The following CDHR3 variants were observed in gnomAD, a reference collection of about 807,000 sequenced individuals.
The protein encoded by CDHR3 is cadherin-related family member 3.
In CDHR3, 79 loss-of-function variants were observed where a neutral mutation model predicts 86.6. The observed-to-expected ratio is 0.91, with a 90% CI of 0.76 to 1.10. The LOEUF (loss-of-function observed/expected upper bound fraction) is 1.10, where lower values mean the gene tolerates loss of function less well. CDHR3 is among the 50% of genes least tolerant of loss of function. CDHR3 has a pLI of 0.00. For missense variants in CDHR3, 1,081 were observed against 1,077.6 expected (o/e 1.00, Z -0.04); for synonymous variants, 421 against 402.4 (o/e 1.05, Z -0.55).
chr7:105,991,050 A>G lies in CDHR3; in HGVS notation c.514-3701A>G, dbSNP rs565401414. Reference sequence around the variant, plus strand: ...AATATTCCCAGCAGGAAAACCAGAGAGCTTGTCTGACAAGCATTTGTTAAC... The same window carrying G: ...AATATTCCCAGCAGGAAAACCAGAGGGCTTGTCTGACAAGCATTTGTTAAC... On this transcript the variant is annotated intron_variant, in intron 4 of 18. Coordinates refer to ENST00000317716, the MANE Select transcript of CDHR3 (RefSeq NM_152750.5). Among the ~76,000 whole-genome samples the G allele has an allele frequency of 2.0e-5, 3 of 152,306 alleles. No homozygotes were observed. The South Asian group carries it at 6.2e-4, about 32-fold the overall frequency.
chr7:106,029,598 C>G (rs1269638468), intron 17 of CDHR3, among the ~76,000 whole-genome samples: 3 of 151,252 alleles, frequency 2.0e-5, no homozygotes, highest in Non-Finnish European at 4.4e-5. Context: ...ACCTTATCTA[C>G]CCCCTGGGAA....
intron 2 of CDHR3, among the ~76,000 whole-genome samples, chr7:105,980,607 ATTTTTTTTTTTTTTAATTT>A (rs1182505413): frequency 6.1e-5 from 6 of 98,522 alleles, no homozygotes; most frequent in Non-Finnish European, 8.1e-5. Context: ...TTTTTTTTTA[ATTTTTTTTTTTTTTAATTT>A]TTTTTTTTTT....
chr7:105,997,339 AAT>A (rs1389455516), intron 6 of CDHR3, among the ~76,000 whole-genome samples: 5 of 152,112 alleles, frequency 3.3e-5, no homozygotes, highest in Non-Finnish European at 4.4e-5. Context: ...GGTGTCAAAG[AAT>A]GCGTCTGCTC....
At chr7:106,011,013 A>G (rs1834718019) in intron 8 of CDHR3, among the ~76,000 whole-genome samples, 1 of 152,180 alleles carries the variant, frequency 6.6e-6, no homozygotes, top group South Asian at 2.1e-4. Context: ...CACCACAAAC[A>G]CAGTGATGGA....
intron 8 of CDHR3, among the ~76,000 whole-genome samples, chr7:106,009,907 G>C (rs1377118323): frequency 6.6e-6 from 1 of 152,246 alleles, no homozygotes; most frequent in Non-Finnish European, 1.5e-5. Context: ...TGCATGGGGA[G>C]AGAAACATGG....
intron 12 of CDHR3, 98 bp downstream of exon 12, chr7:106,018,170 C>T (rs1835952870): frequency 2.3e-6 from 2 of 853,206 alleles, no homozygotes; most frequent in East Asian, 2.6e-5. Flanking sequence ...GAGGAAACTT[C>T]CCAGGGTACA....
intron 1 of CDHR3, among the ~76,000 whole-genome samples, chr7:105,969,045 G>A (rs1344205355): frequency 6.6e-6 from 1 of 151,186 alleles, no homozygotes; most frequent in African/African-American, 2.4e-5. Flanking sequence ...CAGAGATCGC[G>A]CCACTGCACT....
At chr7:106,007,294 T>C (rs979297787) in intron 8 of CDHR3, among the ~76,000 whole-genome samples, 2 of 152,210 alleles carry the variant, frequency 1.3e-5, no homozygotes, top group South Asian at 2.1e-4. Context: ...ATTGTCTTGG[T>C]GATTAACATT....
In CDHR3 at chr7:106,032,683, C is replaced by T. The variant is rs1326346871; in HGVS notation, c.2644C>T (p.His882Tyr). 6 of 1,611,216 alleles carry T rather than the reference C, an allele frequency of 3.7e-6. No homozygotes were observed. In the African/African-American group the frequency reaches 8.0e-5, roughly 22 times the overall value. Residue 882 changes from histidine (H) to tyrosine (Y), a missense_variant, in exon 19 of 19, where the codon CAC becomes TAC. Physicochemically the swap from His to Tyr is moderately conservative, Grantham distance 83. Transcript: ENST00000317716. ...CATGAACAGGGCTTACCCCAAACCA[C>T]ACCCAGGAAAGTAAACGGGGTCTAA... The part of the protein sequence containing the change: ...AFMNRAYPKP[H>Y]PGK
At chr7:106,007,743 G>T (rs1834155729) in intron 8 of CDHR3, among the ~76,000 whole-genome samples, 1 of 152,118 alleles carries the variant, frequency 6.6e-6, no homozygotes, top group South Asian at 2.1e-4. Context: ...ACATTTTCCT[G>T]TCTTCTTTTA....
chr7:106,004,509 A>C lies in CDHR3; in HGVS notation c.874A>C (p.Ile292Leu). ...YFMINQLTGT[I>L]QVAQRIDRDA... ...CTTTGCTTTCTCAGTGACTGGTACA[A>C]TCCAAGTGGCCCAAAGGATAGACCG... Residue 292 changes from isoleucine to leucine, a missense_variant, in exon 8 of 19, where the codon ATC (isoleucine) becomes CTC (leucine). By Grantham distance (5) the Ile-to-Leu change is conservative. Transcript: ENST00000317716. 6.8e-6 allele frequency: 11 copies of C among 1,613,966 alleles called. No homozygotes were observed. The highest frequency in any genetic ancestry group is 9.3e-6 in the Non-Finnish European group (11 of 1,179,844).
chr7:106,018,186 C>A, intron 12 of CDHR3, 114 bp downstream of exon 12: 3 of 751,530 alleles, frequency 4.0e-6, no homozygotes, highest in Admixed American at 2.7e-5. Context: ...GTACATCCTG[C>A]GGATGTGGTG....
Position 105,990,412 on chromosome 7 carries a change from G to A in CDHR3, c.514-4339G>A, listed in dbSNP as rs146630065. Among the ~76,000 whole-genome samples, 410 of 152,176 alleles carry A rather than the reference G, an allele frequency of 2.7e-3. 4 individuals are homozygous for A. The highest frequency in any genetic ancestry group is 9.3e-3 in the African/African-American group (388 of 41,518). On this transcript the variant is annotated intron_variant, in intron 4 of 18. Transcript: ENST00000317716. ...GCACTCTTCCTCCTTCCTCCTCCAC[G>A]TCCCACCTCTGAGCTGAGACGAGGG...
Position 106,015,479 on chromosome 7 carries a change from A to G in CDHR3, c.1327+266A>G, listed in dbSNP as rs111645909. On this transcript the variant is annotated intron_variant, in intron 10 of 18. Transcript: ENST00000317716. ...GTTCCAACTCTTTGACTTGGCATAC[A>G]AGATTTTTCACCATTCGGTTGCTGC... Among the ~76,000 whole-genome samples the G allele has an allele frequency of 4.8e-3, 724 of 152,070 alleles. 6 individuals carry two copies. The highest frequency in any genetic ancestry group is 4.0e-3 in the Non-Finnish European group (270 of 67,984).
intron 4 of CDHR3, among the ~76,000 whole-genome samples, chr7:105,989,589 A>G (rs771460132): frequency 9.9e-5 from 15 of 152,074 alleles, no homozygotes; most frequent in Non-Finnish European, 1.9e-4. Flanking sequence ...TATCTTGCTC[A>G]TAGCTCTAGG....
chr7:105,983,505 G>A (rs537048026), intron 3 of CDHR3, among the ~76,000 whole-genome samples: 1 of 152,120 alleles, frequency 6.6e-6, no homozygotes, highest in Non-Finnish European at 1.5e-5. Context: ...TCCTCAGCAC[G>A]GTGCCCCCCA....
chr7:106,022,854 T>C (rs1836780831), intron 14 of CDHR3, among the ~76,000 whole-genome samples: 2 of 152,160 alleles, frequency 1.3e-5, no homozygotes, highest in Non-Finnish European at 2.9e-5. Flanking sequence ...ATTAGGTTGC[T>C]TGCTTACTGC....
chr7:105,973,810 T>C (rs1182152033), intron 1 of CDHR3, among the ~76,000 whole-genome samples: 1 of 151,942 alleles, frequency 6.6e-6, no homozygotes, highest in Non-Finnish European at 1.5e-5. Flanking sequence ...CTACTAAAAA[T>C]ACAAAAATTA....
At chr7:105,998,008 C>T (rs966285487) in intron 6 of CDHR3, among the ~76,000 whole-genome samples, 4 of 151,876 alleles carry the variant, frequency 2.6e-5, no homozygotes, top group African/African-American at 9.7e-5. Context: ...GAGGGTGTGT[C>T]TGCCAGAGCC....
Sources: gnomAD v4.1 joint callset for allele counts (sites outside exome capture counted in the v4.1 genomes callset) on GRCh38, gnomAD v4.1.1 for gene constraint, MANE v1.5 for transcripts, NCBI Gene and HGNC (gene_info 2026-07-23, HGNC 2026-07-21) for gene names.